The following ASPSCR1 variants were observed in gnomAD, a reference collection of about 807,000 sequenced individuals.
ASPSCR1 encodes the protein tether containing UBX domain for GLUT4.
ASPSCR1 carries 55 observed loss-of-function variants against 68.9 expected under a neutral mutation model. The observed-to-expected ratio is 0.80, with a 90% CI of 0.64 to 1.00. The LOEUF is 1.00. Ranked by LOEUF, ASPSCR1 falls within the 50% of genes least tolerant of loss-of-function variation. ASPSCR1 has a pLI of 0.00. For synonymous variants in ASPSCR1, 352 were observed against 332.6 expected, an observed-to-expected ratio of 1.06 and a Z score of -0.63; for missense variants, 765 against 762.2, an observed-to-expected ratio of 1.00 and a Z score of -0.04.
chr17:81,980,745 G>A (rs2041768983), intron 2 of ASPSCR1, among the ~76,000 whole-genome samples: 1 of 152,170 alleles, frequency 6.6e-6, no homozygotes, highest in Admixed American at 6.5e-5. Context: ...CGCTGTAGGA[G>A]GATCATGAGT....
At chr17:81,985,036 C>G (rs890092356) in intron 3 of ASPSCR1, among the ~76,000 whole-genome samples, 1 of 122,254 alleles carries the variant, frequency 8.2e-6, no homozygotes, top group Non-Finnish European at 1.7e-5. Context: ...CCAACATGCA[C>G]ACACCTCCCC....
chr17:82,009,404 G>C, intron 8 of ASPSCR1, 82 bp from the exon 9 acceptor site: 1 of 1,429,564 alleles, frequency 7.0e-7, no homozygotes, highest in South Asian at 1.3e-5. Context: ...CCACCCTGGA[G>C]GGTGCAGGTG....
chr17:81,979,057 T>G (rs982611420), intron 1 of ASPSCR1, 127 bp from the exon 2 acceptor site: 2 of 915,600 alleles, frequency 2.2e-6, no homozygotes, highest in Non-Finnish European at 3.6e-6. Flanking sequence ...TGTGGTCTTG[T>G]GCTTGGCTTT....
chr17:81,992,561 T>C (rs887195386), intron 4 of ASPSCR1, among the ~76,000 whole-genome samples: 2 of 152,140 alleles, frequency 1.3e-5, no homozygotes, highest in East Asian at 3.9e-4. Context: ...AGAAGTGGCC[T>C]CATGACCATC....
At chr17:81,993,726 C>G (rs187860638) in intron 4 of ASPSCR1, among the ~76,000 whole-genome samples, 1 of 152,260 alleles carries the variant, frequency 6.6e-6, no homozygotes, top group Non-Finnish European at 1.5e-5. Context: ...CCCCCCATCC[C>G]GGAGGGTTGC....
At chr17:81,994,935 C>A in intron 5 of ASPSCR1, 57 bp downstream of exon 5, 1 of 1,524,938 alleles carries the variant, frequency 6.6e-7, no homozygotes, top group Non-Finnish European at 8.9e-7. Flanking sequence ...CACTTTCCAA[C>A]TGGAAAATCT....
At chr17:82,007,574 G>A (rs1275106287) in intron 7 of ASPSCR1, 1 of 152,246 alleles carries the variant, frequency 6.6e-6, no homozygotes, top group Non-Finnish European at 1.5e-5. Context: ...GGCATGTCCT[G>A]GGGCCCCGTC....
intron 4 of ASPSCR1, among the ~76,000 whole-genome samples, chr17:81,994,511 T>C (rs1472927821): frequency 2.0e-5 from 3 of 152,096 alleles, no homozygotes. Context: ...GTGCGGTCCC[T>C]GGGCCCTGCC....
At chr17:81,981,166 C>T (rs769033757) in intron 2 of ASPSCR1, among the ~76,000 whole-genome samples, 5 of 152,072 alleles carry the variant, frequency 3.3e-5, no homozygotes, top group Non-Finnish European at 7.4e-5. Flanking sequence ...AAGGGCCTGG[C>T]GGGAGGTTGG....
intron 3 of ASPSCR1, among the ~76,000 whole-genome samples, chr17:81,984,526 G>A (rs371709768): frequency 1.8e-4 from 28 of 151,774 alleles, no homozygotes; most frequent in Non-Finnish European, 2.9e-5. Flanking sequence ...GCAGTGAGCC[G>A]AGATTGTGCT....
Position 81,983,774 on chromosome 17 carries a change from A to G in ASPSCR1, c.273+106A>G. 4.2e-6 allele frequency: 4 copies of G among 951,890 alleles called. No individual in the cohort carries two copies. Among genetic ancestry groups the G allele is most frequent in the Non-Finnish European group, 4.8e-6 (3 of 621,448 alleles). The allele number at this position is 951,890 out of a possible 1,614,324, so 59.0% of individuals were successfully genotyped here. A position where few individuals can be genotyped will look rare whatever the true frequency, so the allele number is the denominator to read the frequency against. On this transcript the variant is annotated intron_variant, in intron 3 of 15. Transcript: ENST00000306739. The surrounding 1 kb of genome is among the most constrained non-coding windows in gnomAD (Gnocchi z 4.4). The stretch of plus-strand genomic sequence containing the variant: ...GGGGTGCTGGGGAAGGAGGGACATG[A>G]GTCTTAGCACCAGTTCTGCCTTCCC...
chr17:81,988,227 GA>G (rs1458770708), intron 4 of ASPSCR1, among the ~76,000 whole-genome samples: 1 of 151,244 alleles, frequency 6.6e-6, no homozygotes, highest in Non-Finnish European at 1.5e-5. Flanking sequence ...TTGGGAGGCC[GA>G]GGTGGGTGGA....
intron 7 of ASPSCR1, among the ~76,000 whole-genome samples, chr17:82,001,380 C>G (rs1257024437): frequency 6.6e-6 from 1 of 152,174 alleles, no homozygotes; most frequent in Non-Finnish European, 1.5e-5. Context: ...CCAGGGTGGC[C>G]CAGGTCCCTG....
At chr17:82,009,001 G>A (rs1483539339) in intron 7 of ASPSCR1, 36 bp from the exon 8 acceptor site, 6 of 1,468,066 alleles carry the variant, frequency 4.1e-6, no homozygotes, top group Admixed American at 4.8e-5. Flanking sequence ...GGCCCAGCCC[G>A]TGACACCCGC....
At chr17:81,994,328 C>T (rs1192681584) in intron 4 of ASPSCR1, among the ~76,000 whole-genome samples, 1 of 152,216 alleles carries the variant, frequency 6.6e-6, no homozygotes, top group Non-Finnish European at 1.5e-5. Context: ...CTCCATGCTT[C>T]GGTGACATCA....
chr17:82,009,356 C>G (rs1239958055), intron 8 of ASPSCR1, 130 bp from the exon 9 acceptor site: 1 of 1,357,320 alleles, frequency 7.4e-7, no homozygotes, highest in Non-Finnish European at 9.9e-7. Flanking sequence ...GAGGGGCGTC[C>G]AGACCTTCCT....
intron 13 of ASPSCR1, 83 bp from the exon 14 acceptor site, chr17:82,016,717 C>G: frequency 1.3e-6 from 2 of 1,512,234 alleles, no homozygotes; most frequent in South Asian, 2.4e-5. Flanking sequence ...CCTCCCAGAG[C>G]TGAGTGCTGG....
At chr17:81,984,842 T>G (rs1263220798) in intron 3 of ASPSCR1, among the ~76,000 whole-genome samples, 1 of 15,168 alleles carries the variant, frequency 6.6e-5, no homozygotes, top group African/African-American at 3.2e-4. Flanking sequence ...CACACACCCC[T>G]GCACACACCC....
chr17:82,000,225 G>A (rs1322239365), intron 7 of ASPSCR1, among the ~76,000 whole-genome samples: 2 of 152,250 alleles, frequency 1.3e-5, no homozygotes, highest in South Asian at 4.1e-4. Flanking sequence ...TGACCAGGGC[G>A]GGTCTTGTCT....
Sources: gnomAD v4.1 joint callset for allele counts (sites outside exome capture counted in the v4.1 genomes callset) on GRCh38, gnomAD v4.1.1 for gene constraint, Gnocchi (gnomAD v3.1) non-coding constraint, MANE v1.5 for transcripts, NCBI Gene and HGNC (gene_info 2026-07-23, HGNC 2026-07-21) for gene names.